Variants in RIPOR2 observed in about 807,000 individuals in gnomAD.
RIPOR2 encodes RHO family interacting cell polarization regulator 2, also known as rho family-interacting cell polarization regulator 2.
RIPOR2 carries 39 observed loss-of-function variants against 114.5 expected under a neutral mutation model. The ratio of observed to expected loss-of-function variants is 0.34; its 90% CI spans 0.26 to 0.44. RIPOR2 has a LOEUF of 0.44. Ranked by LOEUF, RIPOR2 falls within the 20% of genes least tolerant of loss-of-function variation. The probability of loss-of-function intolerance (pLI) is 1.00; values close to 1 mark genes in which losing one functional copy is unlikely to be tolerated. For synonymous variants in RIPOR2, 445 were observed against 484.4 expected (o/e 0.92, Z 1.07); for missense variants, 1,007 against 1,255.1 (o/e 0.80, Z 2.99).
At chr6:24,966,673 T>G (rs1029839210) in intron 1 of RIPOR2, among the ~76,000 whole-genome samples, 1 of 152,088 alleles carries the variant, frequency 6.6e-6, no homozygotes, top group African/African-American at 2.4e-5. Context: ...TATTTCTGTC[T>G]AAATGGGAAG....
chr6:24,955,675 G>T (rs1457643139), intron 1 of RIPOR2, among the ~76,000 whole-genome samples: 1 of 143,604 alleles, frequency 7.0e-6, no homozygotes, highest in East Asian at 2.0e-4. Context: ...CTCTTACTCC[G>T]TCTAAGGTCC....
At chr6:24,976,709 G>T (rs961305798) in intron 1 of RIPOR2, 2 of 1,608,894 alleles carry the variant, frequency 1.2e-6, no homozygotes, top group African/African-American at 2.7e-5. Flanking sequence ...GGCACTGGTG[G>T]CAAGTCACCA....
chr6:24,910,760 TCA>T (rs1769487569), intron 1 of RIPOR2: 1 of 966,456 alleles, frequency 1.0e-6, no homozygotes, highest in Admixed American at 6.2e-5. Context: ...CACACAGACC[TCA>T]CCGCGTTGTA....
chr6:24,930,566 T>G (rs1187022056), intron 1 of RIPOR2, among the ~76,000 whole-genome samples: 1 of 152,188 alleles, frequency 6.6e-6, no homozygotes, highest in African/African-American at 2.4e-5. Flanking sequence ...ACACCATCTC[T>G]TTGGCACCAG....
intron 1 of RIPOR2, among the ~76,000 whole-genome samples, chr6:24,959,572 A>ACT (rs146238898): frequency 6.6e-6 from 1 of 151,494 alleles, no homozygotes; most frequent in Admixed American, 6.6e-5. Context: ...TGTTGTGGGG[A>ACT]CTCTCTCTCT....
At chr6:24,906,315 G>A (rs374952067) in intron 1 of RIPOR2, among the ~76,000 whole-genome samples, 2 of 152,180 alleles carry the variant, frequency 1.3e-5, no homozygotes, top group African/African-American at 4.8e-5. Flanking sequence ...TGCCTTCAGG[G>A]AGCTCACAGT....
At chr6:24,921,523 C>T (rs1770484877) in intron 1 of RIPOR2, among the ~76,000 whole-genome samples, 1 of 152,148 alleles carries the variant, frequency 6.6e-6, no homozygotes, top group Middle Eastern at 3.4e-3. Flanking sequence ...TCCTGGAACA[C>T]TCTCCCCAGA....
Position 24,875,821 on chromosome 6 carries a change from G to T in RIPOR2, c.62-4C>A. 1 of 1,599,078 alleles carries T rather than the reference G, an allele frequency of 6.3e-7. No individual in the cohort carries two copies. The highest frequency in any genetic ancestry group is 8.5e-7 in the Non-Finnish European group (1 of 1,172,428). On this transcript the variant is annotated splice_polypyrimidine_tract_variant and splice_region_variant and intron_variant, in intron 1 of 21. Coordinates refer to ENST00000643898, the MANE Select transcript of RIPOR2 (RefSeq NM_001286445.3). ...TCCGGGAGTCTGGTCGGTAGTCCTA[G>T]AAGACAGTGGAAAGATCATGACAAT...
At chr6:24,847,864 G>A (rs1762475482) in intron 12 of RIPOR2, among the ~76,000 whole-genome samples, 161 bp downstream of exon 12, 2 of 152,204 alleles carry the variant, frequency 1.3e-5, no homozygotes, top group Non-Finnish European at 2.9e-5. Context: ...TACCATCACA[G>A]CAATAGGTAA....
intron 1 of RIPOR2, among the ~76,000 whole-genome samples, chr6:24,930,056 T>C (rs192731242): frequency 2.0e-5 from 3 of 152,302 alleles, no homozygotes; most frequent in Admixed American, 1.3e-4. Flanking sequence ...GCCTGGGTGA[T>C]AGAGCGAGAG....
intron 1 of RIPOR2, among the ~76,000 whole-genome samples, chr6:24,947,178 C>T (rs573093573): frequency 6.6e-6 from 1 of 152,192 alleles, no homozygotes; most frequent in Non-Finnish European, 1.5e-5. Flanking sequence ...TCAGCCTTCC[C>T]TCCCGCAAAT....
intron 1 of RIPOR2, among the ~76,000 whole-genome samples, chr6:24,882,177 G>A (rs1211606656): frequency 2.0e-5 from 3 of 152,198 alleles, no homozygotes; most frequent in East Asian, 1.9e-4. Context: ...TCTAGGTGAT[G>A]GTTCTACTTC....
chr6:24,965,142 T>G (rs7764882), intron 1 of RIPOR2, among the ~76,000 whole-genome samples: 1 of 10,174 alleles, frequency 9.8e-5, no homozygotes, highest in Non-Finnish European at 5.3e-3. Flanking sequence ...TTATTTTTTA[T>G]TTTTTTTATT....
intron 1 of RIPOR2, among the ~76,000 whole-genome samples, chr6:24,971,718 C>A (rs1191472342): frequency 6.6e-6 from 1 of 152,210 alleles, no homozygotes; most frequent in Non-Finnish European, 1.5e-5. Flanking sequence ...CTAGATGGAA[C>A]CATGAAGGCA....
At chr6:24,963,908 CA>C (rs1335473002) in intron 1 of RIPOR2, among the ~76,000 whole-genome samples, 1 of 151,998 alleles carries the variant, frequency 6.6e-6, no homozygotes, top group Admixed American at 6.6e-5. Flanking sequence ...AAAAATAGTA[CA>C]AAGAGGTCCC....
upstream of RIPOR2, among the ~76,000 whole-genome samples, chr6:24,939,123 T>G (rs947057323): frequency 7.9e-5 from 12 of 152,170 alleles, no homozygotes; most frequent in Non-Finnish European, 1.5e-4. Context: ...TTATCTCTAT[T>G]TTAGTTTAAG....
At chr6:24,947,456 T>G (rs1287209644) in intron 1 of RIPOR2, among the ~76,000 whole-genome samples, 1 of 152,186 alleles carries the variant, frequency 6.6e-6, no homozygotes, top group Non-Finnish European at 1.5e-5. Context: ...TGAAATGTAT[T>G]AATAAATTAC....
chr6:24,902,686 A>T (rs1185034619), intron 1 of RIPOR2, among the ~76,000 whole-genome samples: 1 of 152,074 alleles, frequency 6.6e-6, no homozygotes, highest in Non-Finnish European at 1.5e-5. Context: ...TTGAAACTAA[A>T]CTCCTTCTCA....
At chr6:24,831,502 G>T (rs922989454) in intron 16 of RIPOR2, among the ~76,000 whole-genome samples, 2 of 152,092 alleles carry the variant, frequency 1.3e-5, no homozygotes, top group African/African-American at 4.8e-5. Flanking sequence ...CATGAGGAGG[G>T]GGCTGGGAGA....
Sources: allele counts gnomAD v4.1 joint callset (sites outside exome capture counted in the v4.1 genomes callset), GRCh38; gene constraint gnomAD v4.1.1; transcripts MANE v1.5; gene names NCBI Gene and HGNC (gene_info 2026-07-23, HGNC 2026-07-21).